The following DOCK10 variants were observed in gnomAD, a reference collection of about 807,000 sequenced individuals.
DOCK10 encodes dedicator of cytokinesis protein 10.
Under a neutral mutation model 280.1 loss-of-function variants are expected in DOCK10, and 145 were observed. The observed-to-expected ratio is 0.52, with a 90% CI of 0.45 to 0.59. The LOEUF is 0.59. Ranked by LOEUF, DOCK10 falls within the 20% of genes least tolerant of loss-of-function variation. The pLI, the probability that DOCK10 is intolerant of heterozygous loss-of-function variation, is 0.00. For synonymous variants in DOCK10, 915 were observed against 942.2 expected, an observed-to-expected ratio of 0.97 and a Z score of 0.53; for missense variants, 2,368 against 2,651.7, an observed-to-expected ratio of 0.89 and a Z score of 2.35.
chr2:224,769,008 A>G (rs1690240335), intron 55 of DOCK10: 1 of 440,760 alleles, frequency 2.3e-6, no homozygotes, highest in Admixed American at 2.6e-5. Context: ...TGTGATTTAC[A>G]GTTGGAGACA....
intron 1 of DOCK10, among the ~76,000 whole-genome samples, chr2:224,937,079 T>C (rs1254771919): frequency 6.6e-6 from 1 of 152,156 alleles, no homozygotes; most frequent in Non-Finnish European, 1.5e-5. Flanking sequence ...AAAAAGGAGA[T>C]GGGCAATTAG....
intron 4 of DOCK10, among the ~76,000 whole-genome samples, chr2:224,890,486 C>CA (rs1369454903): frequency 1.3e-5 from 2 of 152,098 alleles, no homozygotes; most frequent in Admixed American, 6.5e-5. Context: ...ATAAATTTCA[C>CA]AAAAAAGCCC....
rs1694760073 is a variant in DOCK10 at position 224,825,085 on chromosome 2, T to A, written c.3037-1438A>T. On this transcript the variant is annotated intron_variant, in intron 27 of 55. Transcript: ENST00000258390. ...ACCTCCGCCTCCTGGGTTCAAGCAA[T>A]TCTCTGCTTCAGCCTCCTGAGTAGC... 4.0e-5 allele frequency among the ~76,000 whole-genome samples: 6 copies of A among 150,798 alleles called. No homozygotes were observed. The Admixed American group carries it at 4.0e-4, about 10-fold the overall frequency.
chr2:225,028,655 A>G (rs924118194), intron 1 of DOCK10, among the ~76,000 whole-genome samples: 1 of 152,172 alleles, frequency 6.6e-6, no homozygotes, highest in African/African-American at 2.4e-5. Flanking sequence ...TCAAATTCTG[A>G]TCATTGAGGG....
At position 224,885,671 on chromosome 2, in the gene DOCK10, C is replaced by G. The variant is rs768191186; in HGVS notation, c.747G>C (p.Gln249His). The change falls in exon 7 of 56, where the codon CAG becomes CAC. Residue 249 changes from glutamine (Q) to histidine (H), a missense_variant and splice_region_variant. Physicochemically the swap from Gln to His is conservative, Grantham distance 24. Around this residue, in one of 2 missense-constraint regions of DOCK10, gnomAD observed 1,209 missense variants for 1,250.9 expected, o/e 0.97. Transcript: ENST00000258390. ...IFLDSCTGVV[Q>H]NNRLRKYAFE... ...AGGAGGAAAAGGGATGTCTACTCAC[C>G]TGCACCACTCCTGTACAGGAATCCA... 1.2e-6 allele frequency: 2 copies of G among 1,601,960 alleles called. No individual in the cohort carries two copies. The highest frequency in any genetic ancestry group is 2.7e-5 in the African/African-American group (2 of 74,592).
At chr2:224,809,525 G>A (rs1441873377) in intron 31 of DOCK10, among the ~76,000 whole-genome samples, 3 of 151,848 alleles carry the variant, frequency 2.0e-5, no homozygotes, top group African/African-American at 4.8e-5. Flanking sequence ...AAAACAACCC[G>A]CCAAGTTTTA....
intron 1 of DOCK10, among the ~76,000 whole-genome samples, chr2:225,018,207 C>T (rs1424596010): frequency 6.6e-6 from 1 of 152,078 alleles, no homozygotes; most frequent in Non-Finnish European, 1.5e-5. Flanking sequence ...TGTCTGTAGT[C>T]TCCTGTATTC....
chr2:224,958,671 T>C (rs1473656190), intron 1 of DOCK10, among the ~76,000 whole-genome samples: 1 of 151,656 alleles, frequency 6.6e-6, no homozygotes, highest in Non-Finnish European at 1.5e-5. Flanking sequence ...ACCAATATCA[T>C]ATGTTTAAAA....
chr2:224,891,180 G>T (rs576790307), intron 4 of DOCK10, among the ~76,000 whole-genome samples: 9 of 152,266 alleles, frequency 5.9e-5, no homozygotes, highest in Admixed American at 5.9e-4. Flanking sequence ...TGGGAATAGT[G>T]GGATTCATTG....
In DOCK10 at chr2:224,816,605, G is replaced by C. The variant is rs1236464047; in HGVS notation, c.3364+12C>G. The C allele has an allele frequency of 6.5e-7, 1 of 1,527,990 alleles. No homozygotes were observed. Among genetic ancestry groups the C allele is most frequent in the Non-Finnish European group, 9.0e-7 (1 of 1,108,518 alleles). 94.7% of individuals were successfully genotyped at this position (1,527,990 alleles called of 1,614,324 possible). A position where few individuals can be genotyped will look rare whatever the true frequency, so the allele number is the denominator to read the frequency against. ...TTGCAGGAACTGAGGAAAATTCTGG[G>C]AATTTTATTACCTGGAATGTTTGCT... is the stretch of plus-strand genomic sequence containing the variant. On this transcript the variant is annotated intron_variant, in intron 30 of 55. Transcript: ENST00000258390.
intron 1 of DOCK10, among the ~76,000 whole-genome samples, chr2:224,991,384 A>G (rs1456217359): frequency 6.6e-6 from 1 of 152,258 alleles, no homozygotes; most frequent in Non-Finnish European, 1.5e-5. Flanking sequence ...ACCCTTCTAC[A>G]TAACTGTTGT....
chr2:224,765,434 C>G lies in DOCK10; in HGVS notation c.*287G>C, dbSNP rs1690033691. The G allele has an allele frequency of 6.6e-6, 2 of 304,240 alleles. No individual in the cohort carries two copies. Among genetic ancestry groups the G allele is most frequent in the African/African-American group, 4.3e-5 (2 of 46,064 alleles). 18.8% of individuals were successfully genotyped at this position (304,240 alleles called of 1,614,324 possible). A position where few individuals can be genotyped will look rare whatever the true frequency, so the allele number is the denominator to read the frequency against. On this transcript the variant is annotated 3_prime_UTR_variant, in exon 56 of 56. Transcript: ENST00000258390. ...AAATATGTGTACTAGGACTGGGGTA[C>G]TGACCATACAATAACTGACAGCAAA...
chr2:224,832,691 C>T (rs1250631343), intron 26 of DOCK10, among the ~76,000 whole-genome samples: 1 of 152,056 alleles, frequency 6.6e-6, no homozygotes, highest in Admixed American at 6.6e-5. Flanking sequence ...CTGCTGCAAT[C>T]CTCTTTCCCT....
intron 1 of DOCK10, among the ~76,000 whole-genome samples, chr2:225,006,596 C>T (rs1214562442): frequency 6.6e-6 from 1 of 152,216 alleles, no homozygotes; most frequent in Admixed American, 6.5e-5. Context: ...TCTCTGTCTT[C>T]TAAGCCGTTC....
intron 25 of DOCK10, among the ~76,000 whole-genome samples, chr2:224,836,551 G>C (rs367988686): frequency 6.6e-6 from 1 of 151,924 alleles, no homozygotes; most frequent in African/African-American, 2.4e-5. Context: ...TCTCAGAGGG[G>C]TTCACTCCAG....
rs191880858 is a variant in DOCK10 at position 224,892,642 on chromosome 2, C to T, written c.416+3653G>A. Among the ~76,000 whole-genome samples, 492 of 152,198 alleles carry T rather than the reference C, an allele frequency of 3.2e-3. 1 individual carries two copies. The highest frequency in any genetic ancestry group is 0.011 in the African/African-American group (450 of 41,526). On this transcript the variant is annotated intron_variant, in intron 4 of 55. Transcript: ENST00000258390. ...AGAGGGAGCTGCAAGAGTACAGGTT[C>T]TGAGGAGGGGCCAAGTGTGGAGCAT... is the stretch of plus-strand genomic sequence containing the variant.
intron 1 of DOCK10, among the ~76,000 whole-genome samples, chr2:225,036,257 G>C (rs376557029): frequency 2.5e-4 from 38 of 152,306 alleles, no homozygotes; most frequent in African/African-American, 8.9e-4. Flanking sequence ...TAAGGGGCTA[G>C]ATGGTAGATG....
chr2:224,812,786 C>T (rs974689535), intron 31 of DOCK10, among the ~76,000 whole-genome samples: 5 of 152,166 alleles, frequency 3.3e-5, no homozygotes, highest in Non-Finnish European at 7.3e-5. Flanking sequence ...TGCTGGATTA[C>T]ACTTATTGAT....
intron 51 of DOCK10, among the ~76,000 whole-genome samples, chr2:224,775,682 G>T (rs912809264): frequency 1.3e-5 from 2 of 152,090 alleles, no homozygotes; most frequent in Non-Finnish European, 2.9e-5. Flanking sequence ...TGCTCTGTTG[G>T]CCAGGCTGGT....
Sources: gnomAD v4.1 joint callset for allele counts (sites outside exome capture counted in the v4.1 genomes callset) on GRCh38, gnomAD v4.1.1 for gene constraint, gnomAD v4.1.1 regional missense constraint, MANE v1.5 for transcripts, NCBI Gene and HGNC (gene_info 2026-07-23, HGNC 2026-07-21) for gene names.